RNF180: variants seen among roughly 807,000 people sequenced by gnomAD.
RNF180 encodes the protein ring finger protein 180.
RNF180 carries 38 observed loss-of-function variants against 59.2 expected under a neutral mutation model. The ratio of observed to expected loss-of-function variants is 0.64; its 90% CI spans 0.50 to 0.84. RNF180 has a LOEUF of 0.84. Ranked by LOEUF, RNF180 falls within the 40% of genes least tolerant of loss-of-function variation. The probability of loss-of-function intolerance (pLI) is 0.00; values close to 1 mark genes in which losing one functional copy is unlikely to be tolerated. For missense variants in RNF180, 705 were observed against 700.9 expected, an observed-to-expected ratio of 1.01 and a Z score of -0.07; for synonymous variants, 262 against 240.3, an observed-to-expected ratio of 1.09 and a Z score of -0.84.
chr5:64,285,544 G>C (rs747384634), intron 5 of RNF180, among the ~76,000 whole-genome samples: 1 of 151,930 alleles, frequency 6.6e-6, no homozygotes, highest in South Asian at 2.1e-4. Flanking sequence ...GCATCATGTG[G>C]GTCAAGTCAG....
intron 7 of RNF180, among the ~76,000 whole-genome samples, chr5:64,356,267 A>AT (rs1441626318): frequency 5.3e-5 from 8 of 151,896 alleles, no homozygotes; most frequent in Admixed American, 5.3e-4. Flanking sequence ...CTCAAAAAAA[A>AT]AAATAAATGT....
intron 5 of RNF180, among the ~76,000 whole-genome samples, chr5:64,285,832 G>A (rs1001639698): frequency 6.6e-6 from 1 of 152,128 alleles, no homozygotes; most frequent in Non-Finnish European, 1.5e-5. Flanking sequence ...CCCTGGCCCT[G>A]CTCCACTGTA....
At chr5:64,335,511 A>AT (rs1306211082) in intron 7 of RNF180, among the ~76,000 whole-genome samples, 1 of 150,676 alleles carries the variant, frequency 6.6e-6, no homozygotes, top group African/African-American at 2.4e-5. Flanking sequence ...GTTTCTTTGG[A>AT]TTTTTTTCCT....
At chr5:64,206,741 C>T (rs1752034869) in intron 2 of RNF180, among the ~76,000 whole-genome samples, 1 of 151,988 alleles carries the variant, frequency 6.6e-6, no homozygotes, top group Non-Finnish European at 1.5e-5. Flanking sequence ...AAGATGGGGC[C>T]TTAATCCAAT....
chr5:64,293,304 G>C (rs975060060), intron 5 of RNF180, among the ~76,000 whole-genome samples: 1 of 151,994 alleles, frequency 6.6e-6, no homozygotes, highest in Non-Finnish European at 1.5e-5. Context: ...TGAGTTGTCT[G>C]CCTAGTCAGT....
At chr5:64,333,039 AC>A (rs1451063329) in intron 7 of RNF180, among the ~76,000 whole-genome samples, 38 of 152,208 alleles carry the variant, frequency 2.5e-4, no homozygotes, top group African/African-American at 9.2e-4. Context: ...TAAGAATATA[AC>A]TTTACACAGT....
intron 5 of RNF180, among the ~76,000 whole-genome samples, chr5:64,276,537 A>G (rs1741731674): frequency 6.6e-6 from 1 of 152,072 alleles, no homozygotes; most frequent in East Asian, 1.9e-4. Flanking sequence ...TGAAGATTTA[A>G]CAGATCTAGA....
intron 1 of RNF180, among the ~76,000 whole-genome samples, chr5:64,195,213 A>G (rs1179459102): frequency 6.6e-6 from 1 of 152,162 alleles, no homozygotes; most frequent in African/African-American, 2.4e-5. Context: ...ACAAATGTAC[A>G]TATTGGGGGT....
At chr5:64,296,458 CAAG>C (rs1742885888) in intron 5 of RNF180, among the ~76,000 whole-genome samples, 1 of 151,990 alleles carries the variant, frequency 6.6e-6, no homozygotes, top group Admixed American at 6.6e-5. Context: ...AAATGTTAAA[CAAG>C]AAGTTTTAAT....
chr5:64,259,858 T>C (rs1744218169), intron 5 of RNF180, among the ~76,000 whole-genome samples: 1 of 150,306 alleles, frequency 6.7e-6, no homozygotes, highest in Admixed American at 6.6e-5. Context: ...GAGGCGGAGG[T>C]TGTGGTGAGC....
At chr5:64,349,475 C>T (rs1745695287) in intron 7 of RNF180, among the ~76,000 whole-genome samples, 1 of 150,604 alleles carries the variant, frequency 6.6e-6, no homozygotes, top group Non-Finnish European at 1.5e-5. Flanking sequence ...TACATGTGCA[C>T]AACGTGCAGG....
At chr5:64,364,351 T>A (rs993229301) in intron 7 of RNF180, among the ~76,000 whole-genome samples, 1 of 151,860 alleles carries the variant, frequency 6.6e-6, no homozygotes, top group Non-Finnish European at 1.5e-5. Context: ...TGTCTTTAGT[T>A]CTGTTTATGT....
intron 1 of RNF180, among the ~76,000 whole-genome samples, chr5:64,177,565 A>ATATATATG (rs1184255289): frequency 2.3e-5 from 3 of 128,058 alleles, no homozygotes; most frequent in Admixed American, 8.1e-5. Context: ...ATATATATAT[A>ATATATATG]TGTATTTATT....
chr5:64,351,251 A>T (rs1213454517), intron 7 of RNF180, among the ~76,000 whole-genome samples: 3 of 152,252 alleles, frequency 2.0e-5, no homozygotes, highest in East Asian at 3.9e-4. Flanking sequence ...TTGTACGTTG[A>T]TTATGTATCC....
At chr5:64,308,983 T>C (rs185451517) in intron 5 of RNF180, among the ~76,000 whole-genome samples, 2 of 151,820 alleles carry the variant, frequency 1.3e-5, no homozygotes, top group Admixed American at 1.3e-4. Flanking sequence ...AGCAGAATAA[T>C]TTGCCCTCTT....
chr5:64,216,225 G>C (rs1454829918), intron 4 of RNF180, among the ~76,000 whole-genome samples: 1 of 152,090 alleles, frequency 6.6e-6, no homozygotes. Flanking sequence ...TTGTGTTAGT[G>C]ATATAAGTAT....
At chr5:64,189,166 C>A (rs999383929) in intron 1 of RNF180, among the ~76,000 whole-genome samples, 1 of 152,016 alleles carries the variant, frequency 6.6e-6, no homozygotes, top group African/African-American at 2.4e-5. Context: ...CAATAAATTT[C>A]TTTGGTTTAA....
intron 2 of RNF180, among the ~76,000 whole-genome samples, chr5:64,207,748 A>G (rs1561189033): frequency 6.6e-6 from 1 of 152,164 alleles, no homozygotes; most frequent in Non-Finnish European, 1.5e-5. Flanking sequence ...CCCTTAAAGT[A>G]CCTTCTCAAA....
intron 5 of RNF180, among the ~76,000 whole-genome samples, chr5:64,310,839 G>C (rs1044799858): frequency 6.6e-6 from 1 of 151,836 alleles, no homozygotes; most frequent in Non-Finnish European, 1.5e-5. Flanking sequence ...TGGAAGTGGC[G>C]CATCTCACTT....
Sources: gnomAD v4.1 joint callset for allele counts (sites outside exome capture counted in the v4.1 genomes callset) on GRCh38, gnomAD v4.1.1 for gene constraint, MANE v1.5 for transcripts, NCBI Gene and HGNC (gene_info 2026-07-23, HGNC 2026-07-21) for gene names.